Variants in EPHA5 observed in about 807,000 individuals in gnomAD.
EPHA5 encodes the protein EPH receptor A5.
Under a neutral mutation model 105.0 loss-of-function variants are expected in EPHA5, and 60 were observed. The observed-to-expected ratio is 0.57, with a 90% CI of 0.46 to 0.71. The LOEUF is 0.71. Among genes scored for constraint, EPHA5 ranks in the 30% least tolerant of loss-of-function variants. The pLI is 0.00. For synonymous variants in EPHA5, 513 were observed against 449.1 expected, an observed-to-expected ratio of 1.14 and a Z score of -1.80; for missense variants, 1,218 against 1,274.7, an observed-to-expected ratio of 0.96 and a Z score of 0.68.
intron 5 of EPHA5, among the ~76,000 whole-genome samples, chr4:65,431,076 T>C (rs1724924499): frequency 6.6e-6 from 1 of 152,164 alleles, no homozygotes; most frequent in Non-Finnish European, 1.5e-5. Context: ...TATCTCTACA[T>C]ACTCCTATAC....
rs2148843288 is a variant in EPHA5, at chr4:65,348,199, C to T, written c.2450G>A (p.Gly817Glu). Residue 817 changes from glycine to glutamate, a missense_variant, in exon 14 of 17, where the codon GGA becomes GAA. By Grantham distance (98) the Gly-to-Glu change is moderately conservative (BLOSUM62 -2). Coordinates refer to ENST00000613740, the MANE Select transcript of EPHA5 (RefSeq NM_001281766.3). ...GGCAGTCCATCTGATTGGAATTTTT[C>T]CTCCCTAAAATTGAAAAAGATTTAA... ...DPEAAYTTRG[G>E]KIPIRWTAPE... 6.2e-7 allele frequency: 1 copy of T among 1,609,864 alleles called. No individual in the cohort carries two copies. Among genetic ancestry groups the T allele is most frequent in the Non-Finnish European group, 8.5e-7 (1 of 1,178,430 alleles).
chr4:65,398,279 G>A (rs1249994183), intron 8 of EPHA5, among the ~76,000 whole-genome samples: 1 of 152,190 alleles, frequency 6.6e-6, no homozygotes, highest in African/African-American at 2.4e-5. Context: ...TGCACACTTG[G>A]GGTGGTGCTG....
At chr4:65,617,630 T>A (rs1745357173) in intron 2 of EPHA5, among the ~76,000 whole-genome samples, 1 of 152,134 alleles carries the variant, frequency 6.6e-6, no homozygotes, top group Non-Finnish European at 1.5e-5. Context: ...TTGCCAGCCT[T>A]TTGGTCTGGC....
chr4:65,396,331 A>G (rs2084682), intron 8 of EPHA5, among the ~76,000 whole-genome samples: 50,332 of 152,110 alleles, frequency 0.33, 8,986 homozygotes, highest in East Asian at 0.51. Context: ...AAGTATTCAG[A>G]TGACCTGACA....
intron 5 of EPHA5, among the ~76,000 whole-genome samples, chr4:65,472,741 A>T (rs1729414959): frequency 2.1e-5 from 2 of 95,806 alleles, no homozygotes; most frequent in African/African-American, 5.5e-5. Flanking sequence ...GGCCCACAAA[A>T]CCTGGCCCAC....
intron 3 of EPHA5, chr4:65,573,433 AAAG>A: frequency 9.1e-6 from 10 of 1,093,816 alleles, no homozygotes; most frequent in South Asian, 5.5e-5. Flanking sequence ...AAAAAAAAAA[AAAG>A]AAGCTCTTTC....
intron 3 of EPHA5, among the ~76,000 whole-genome samples, chr4:65,503,980 G>C (rs1732753281): frequency 6.7e-6 from 1 of 149,174 alleles, no homozygotes; most frequent in Non-Finnish European, 1.5e-5. Context: ...TCAGTAACAG[G>C]TATATGTATA....
chr4:65,430,241 T>C (rs1436848202), intron 5 of EPHA5, among the ~76,000 whole-genome samples: 1 of 152,048 alleles, frequency 6.6e-6, no homozygotes, highest in Non-Finnish European at 1.5e-5. Flanking sequence ...TCTATCATTA[T>C]AAGTTTAAAT....
At chr4:65,449,590 T>C (rs1726885981) in intron 5 of EPHA5, among the ~76,000 whole-genome samples, 1 of 152,146 alleles carries the variant, frequency 6.6e-6, no homozygotes. Flanking sequence ...ATAGTGAAGT[T>C]GATATCTAAG....
intron 5 of EPHA5, among the ~76,000 whole-genome samples, chr4:65,462,579 G>T (rs896820071): frequency 6.6e-6 from 1 of 152,132 alleles, no homozygotes; most frequent in Non-Finnish European, 1.5e-5. Flanking sequence ...GGGGAGGCTA[G>T]AGTGACCAGA....
intron 3 of EPHA5, among the ~76,000 whole-genome samples, chr4:65,571,652 T>C (rs1740196854): frequency 6.6e-6 from 1 of 152,144 alleles, no homozygotes; most frequent in Admixed American, 6.5e-5. Flanking sequence ...CAAGAACTTA[T>C]GTTTTAACTT....
intron 11 of EPHA5, among the ~76,000 whole-genome samples, chr4:65,357,691 C>T (rs73822118): frequency 6.6e-6 from 1 of 151,002 alleles, no homozygotes; most frequent in Non-Finnish European, 1.5e-5. Context: ...TGGAGGGTTG[C>T]TGTTCAATGT....
chr4:65,371,048 C>G (rs1718416052), intron 8 of EPHA5, among the ~76,000 whole-genome samples: 1 of 152,026 alleles, frequency 6.6e-6, no homozygotes, highest in Non-Finnish European at 1.5e-5. Flanking sequence ...ATATGTCATT[C>G]TGTATGTAAA....
chr4:65,570,777 C>T (rs2149374619), intron 3 of EPHA5, among the ~76,000 whole-genome samples: 1 of 152,030 alleles, frequency 6.6e-6, no homozygotes, highest in East Asian at 1.9e-4. Flanking sequence ...TTTTTACTGT[C>T]AGTCTGTGAC....
Position 65,472,454 on chromosome 4 carries a change from T to C in EPHA5, c.1402+17923A>G, listed in dbSNP as rs558587227. Among the ~76,000 whole-genome samples, 4 of 152,220 alleles carry C rather than the reference T, an allele frequency of 2.6e-5. No homozygotes were observed. The South Asian group carries it at 8.3e-4, about 32-fold the overall frequency. On this transcript the variant is annotated intron_variant, in intron 5 of 16. Coordinates refer to ENST00000613740, the MANE Select transcript of EPHA5 (RefSeq NM_001281766.3). ...CCGACCCCACATTTCCCTTCTGAGGTTTTCCATGAGGGTTCTGCCCTTACA... is the reference window on the plus strand; with the variant it reads ...CCGACCCCACATTTCCCTTCTGAGGCTTTCCATGAGGGTTCTGCCCTTACA...
At chr4:65,591,590 T>A (rs573879350) in intron 3 of EPHA5, among the ~76,000 whole-genome samples, 8 of 151,860 alleles carry the variant, frequency 5.3e-5, no homozygotes, top group East Asian at 1.9e-4. Flanking sequence ...TTTGCCTACA[T>A]TAATTTTAAT....
chr4:65,465,104 A>G (rs1728484815), intron 5 of EPHA5, among the ~76,000 whole-genome samples: 1 of 152,244 alleles, frequency 6.6e-6, no homozygotes, highest in African/African-American at 2.4e-5. Context: ...TTATTCAAAG[A>G]CAGCTTCCCG....
intron 1 of EPHA5, among the ~76,000 whole-genome samples, chr4:65,644,342 T>G (rs1747936299): frequency 6.6e-6 from 1 of 151,950 alleles, no homozygotes; most frequent in Admixed American, 6.6e-5. Flanking sequence ...GGATCACAGA[T>G]CATTATTTTT....
Position 65,336,088 on chromosome 4 carries a change from C to T in EPHA5, c.2633G>A (p.Ser878Asn), listed in dbSNP as rs1721153774. The T allele has an allele frequency of 6.2e-7, 1 of 1,612,216 alleles. No homozygotes were observed. Among genetic ancestry groups the T allele is most frequent in the African/African-American group, 1.3e-5 (1 of 74,886 alleles). ...KAVEEGYRLP[S>N]PMDCPAALYQ... ...GAGAGCAGCAGGACAATCCATGGGG[C>T]TTGGCAGACGATAGCCTTCCTCTAC... Residue 878 changes from serine to asparagine, a missense_variant, in exon 15 of 17, where the codon AGC becomes AAC. Physicochemically the swap from Ser to Asn is conservative, Grantham distance 46. Coordinates refer to ENST00000613740, the MANE Select transcript of EPHA5 (RefSeq NM_001281766.3).
Sources: gnomAD v4.1 joint callset for allele counts (sites outside exome capture counted in the v4.1 genomes callset) on GRCh38, gnomAD v4.1.1 for gene constraint, MANE v1.5 for transcripts, NCBI Gene and HGNC (gene_info 2026-07-23, HGNC 2026-07-21) for gene names.